Variants in R3HDM1 observed in about 807,000 individuals in gnomAD.
R3HDM1 encodes the protein R3H domain containing 1.
R3HDM1 carries 46 observed loss-of-function variants against 141.1 expected under a neutral mutation model. The ratio of observed to expected loss-of-function variants is 0.33; its 90% CI spans 0.26 to 0.42. R3HDM1 has a LOEUF of 0.42. Among genes scored for constraint, R3HDM1 ranks in the 10% least tolerant of loss-of-function variants. The pLI is 1.00. For synonymous variants in R3HDM1, 435 were observed against 472.9 expected, an observed-to-expected ratio of 0.92 and a Z score of 1.04; for missense variants, 1,184 against 1,368.3, an observed-to-expected ratio of 0.87 and a Z score of 2.12.
chr2:135,684,747 CG>C (rs764882955), intron 21 of R3HDM1, among the ~76,000 whole-genome samples: 34 of 151,314 alleles, frequency 2.2e-4, no homozygotes, highest in African/African-American at 8.2e-4. Context: ...CATTCTCTTG[CG>C]TTTTTTTTTT....
intron 24 of R3HDM1, among the ~76,000 whole-genome samples, chr2:135,717,312 C>T (rs1258577348): frequency 2.0e-5 from 3 of 151,894 alleles, no homozygotes; most frequent in Non-Finnish European, 4.4e-5. Context: ...AGTGAAACCC[C>T]ATCTCTACTA....
intron 3 of R3HDM1, among the ~76,000 whole-genome samples, chr2:135,613,829 G>A (rs114978672): frequency 0.032 from 4,860 of 152,104 alleles, 243 homozygotes; most frequent in African/African-American, 0.11. Context: ...AAACAAAAAA[G>A]CAAAATCCTT....
intron 19 of R3HDM1, chr2:135,669,548 G>C (rs1164582722): frequency 2.0e-6 from 2 of 985,166 alleles, no homozygotes; most frequent in Non-Finnish European, 2.4e-6. Context: ...AGCAAGGCCA[G>C]GTTCTGCTTA....
In R3HDM1 at chr2:135,531,652, T is replaced by TC. The variant is rs1383896399; in HGVS notation, c.-250+24dup. The TC allele has an allele frequency of 1.0e-6, 1 of 985,614 alleles. No individual in the cohort carries two copies. Among genetic ancestry groups the TC allele is most frequent in the African/African-American group, 1.8e-5 (1 of 57,138 alleles). 61.1% of individuals were successfully genotyped at this position (985,614 alleles called of 1,614,324 possible). A position where few individuals can be genotyped will look rare whatever the true frequency, so the allele number is the denominator to read the frequency against. On this transcript the variant is annotated intron_variant, in intron 1 of 26. Transcript: ENST00000683871. The stretch of plus-strand genomic sequence containing the variant: ...AACGCGGGTAAGAGATGCCCTTCCC[T>TC]CCCCCGTCCAGCTCCCCGGGAATAA...
chr2:135,706,363 T>G (rs560322726), intron 21 of R3HDM1, among the ~76,000 whole-genome samples: 2 of 134,794 alleles, frequency 1.5e-5, no homozygotes, highest in Non-Finnish European at 3.1e-5. Flanking sequence ...ATATCCATAG[T>G]TTTGTTTTTG....
intron 1 of R3HDM1, among the ~76,000 whole-genome samples, chr2:135,579,600 G>C (rs928950538): frequency 1.4e-5 from 2 of 147,756 alleles, no homozygotes; most frequent in Non-Finnish European, 2.9e-5. Flanking sequence ...GGTGGCGGGG[G>C]GGGGTGGAAA....
In R3HDM1 at chr2:135,636,089, T is replaced by G; in HGVS notation, c.809T>G (p.Met270Arg). The change falls in exon 11 of 27, where the codon ATG becomes AGG. Residue 270 changes from methionine to arginine, a missense_variant and splice_region_variant. This residue lies in a region of R3HDM1 where 240 missense variants were observed against 312.3 expected (regional missense o/e 0.77). Transcript: ENST00000683871. ...NSSFDKDDNQ[M>R]RIRLKDDRRS... ...TAAAAATTATCCTCTTTTCTGTAGA[T>G]GAGAATACGTTTGAAAGATGACAGA... 1 of 1,612,804 alleles carries G rather than the reference T, an allele frequency of 6.2e-7. No individual in the cohort carries two copies. Among genetic ancestry groups the G allele is most frequent in the Non-Finnish European group, 8.5e-7 (1 of 1,179,438 alleles).
chr2:135,635,803 C>T (rs2063190587), intron 9 of R3HDM1, 87 bp from the exon 10 acceptor site: 1 of 1,459,186 alleles, frequency 6.9e-7, no homozygotes, highest in Non-Finnish European at 9.1e-7. Context: ...TATTTTATTT[C>T]TTTTCATAAA....
At chr2:135,677,943 C>T (rs1489292552) in intron 20 of R3HDM1, among the ~76,000 whole-genome samples, 1 of 151,782 alleles carries the variant, frequency 6.6e-6, no homozygotes, top group South Asian at 2.1e-4. Flanking sequence ...CTCGCTCGCT[C>T]TCTCTCCCCC....
intron 1 of R3HDM1, among the ~76,000 whole-genome samples, chr2:135,595,443 C>A (rs1264157881): frequency 6.6e-6 from 1 of 152,210 alleles, no homozygotes; most frequent in Non-Finnish European, 1.5e-5. Flanking sequence ...TACCTGAGTT[C>A]ATATCTTAAC....
At chr2:135,690,558 C>T (rs893411468) in intron 21 of R3HDM1, among the ~76,000 whole-genome samples, 7 of 152,054 alleles carry the variant, frequency 4.6e-5, no homozygotes, top group African/African-American at 1.7e-4. Context: ...AGCATATCTG[C>T]ACTGATAACC....
At chr2:135,535,297 G>C (rs1469137733) in intron 1 of R3HDM1, among the ~76,000 whole-genome samples, 1 of 152,044 alleles carries the variant, frequency 6.6e-6, no homozygotes, top group Middle Eastern at 3.2e-3. Flanking sequence ...TCAGCAGTTC[G>C]AGACCAGCCT....
chr2:135,648,975 T>C (rs766075023), intron 16 of R3HDM1: 6 of 151,868 alleles, frequency 4.0e-5, no homozygotes, highest in Admixed American at 6.6e-5. Context: ...AAGAGGTGTT[T>C]GTGTGTGTGT....
At chr2:135,545,186 C>T (rs1025273735) in intron 1 of R3HDM1, among the ~76,000 whole-genome samples, 3 of 152,110 alleles carry the variant, frequency 2.0e-5, no homozygotes, top group African/African-American at 7.2e-5. Flanking sequence ...CCACCCAGGA[C>T]GTTATGGATT....
intron 1 of R3HDM1, among the ~76,000 whole-genome samples, chr2:135,555,670 G>A (rs1023233820): frequency 6.6e-6 from 1 of 152,136 alleles, no homozygotes; most frequent in African/African-American, 2.4e-5. Flanking sequence ...CCAAATGTCC[G>A]TCAACTGATG....
In R3HDM1 at chr2:135,651,989, C is replaced by T; in HGVS notation, c.1985C>T (p.Pro662Leu). 1 of 1,610,104 alleles carries T rather than the reference C, an allele frequency of 6.2e-7. No homozygotes were observed. The highest frequency in any genetic ancestry group is 8.5e-7 in the Non-Finnish European group (1 of 1,177,596). Residue 662 changes from proline to leucine, a missense_variant, in exon 18 of 27, where the codon CCT (proline) becomes CTT (leucine). Physicochemically the swap from Pro to Leu is moderately conservative, Grantham distance 98 (BLOSUM62 -3). Transcript: ENST00000683871. ...GCCTCTGGTCATCCTGTCAGCCAGC[C>T]TGTGCTCCAGCAGCAGGGATATATT... ...YPASGHPVSQ[P>L]VLQQQGYIQQ...
At chr2:135,643,716 G>C (rs956320358) in intron 15 of R3HDM1, among the ~76,000 whole-genome samples, 12 of 152,112 alleles carry the variant, frequency 7.9e-5, no homozygotes, top group African/African-American at 2.9e-4. Context: ...CAACCTAAAT[G>C]CCCATCAGTG....
intron 1 of R3HDM1, among the ~76,000 whole-genome samples, chr2:135,577,988 C>G (rs903685967): frequency 6.6e-6 from 1 of 152,174 alleles, no homozygotes; most frequent in African/African-American, 2.4e-5. Flanking sequence ...AGCTCTTCTT[C>G]TGAAGAGCAG....
At position 135,642,059 on chromosome 2, in the gene R3HDM1, T is replaced by G. The variant is rs371756934; in HGVS notation, c.1474+269T>G. ...TTTAAAAAAGTTTATTTCCTAGAAA[T>G]GAGACAACTACCCACGAAAGAGCTT... On this transcript the variant is annotated intron_variant, in intron 15 of 26. Transcript: ENST00000683871. 2.4e-4 allele frequency among the ~76,000 whole-genome samples: 36 copies of G among 152,300 alleles called. 1 individual carries two copies. The East Asian group carries it at 6.9e-3, about 29-fold the overall frequency.
Sources: allele counts gnomAD v4.1 joint callset (sites outside exome capture counted in the v4.1 genomes callset), GRCh38; gene constraint gnomAD v4.1.1; regional missense constraint gnomAD v4.1.1; transcripts MANE v1.5; gene names NCBI Gene and HGNC (gene_info 2026-07-23, HGNC 2026-07-21).